ANKS1B: variants seen among roughly 807,000 people sequenced by gnomAD.
ANKS1B encodes ankyrin repeat and sterile alpha motif domain containing 1B, also known as ankyrin repeat and sterile alpha motif domain-containing protein 1B.
Under a neutral mutation model 148.3 loss-of-function variants are expected in ANKS1B, and 36 were observed. The observed-to-expected ratio is 0.24, with a 90% CI of 0.19 to 0.32. The LOEUF is 0.32. ANKS1B is among the 10% of genes least tolerant of loss of function. ANKS1B has a pLI of 1.00. For missense variants in ANKS1B, 1,157 were observed against 1,542.6 expected, an observed-to-expected ratio of 0.75 and a Z score of 4.19; for synonymous variants, 542 against 560.8, an observed-to-expected ratio of 0.97 and a Z score of 0.47.
intron 12 of ANKS1B, among the ~76,000 whole-genome samples, chr12:99,377,354 T>C (rs965531506): frequency 1.3e-5 from 2 of 152,168 alleles, no homozygotes; most frequent in African/African-American, 4.8e-5. Context: ...ATATCATTCT[T>C]GAACAAAATG....
At chr12:99,292,938 C>CAAA (rs1602498227) in intron 12 of ANKS1B, among the ~76,000 whole-genome samples, 6 of 150,450 alleles carry the variant, frequency 4.0e-5, no homozygotes, top group Admixed American at 1.3e-4. Flanking sequence ...TGGAAGACAG[C>CAAA]GTGGCGATTC....
chr12:98,976,462 CT>C (rs1326179693), intron 17 of ANKS1B: 1 of 152,112 alleles, frequency 6.6e-6, no homozygotes, highest in Non-Finnish European at 1.5e-5. Context: ...TAATAAGGTG[CT>C]TGTCTACACA....
intron 8 of ANKS1B, among the ~76,000 whole-genome samples, chr12:99,657,671 T>C (rs1246667907): frequency 1.0e-5 from 1 of 97,124 alleles, no homozygotes; most frequent in Non-Finnish European, 2.1e-5. Flanking sequence ...GATAAAGTTG[T>C]TCACAGGAAT....
At chr12:99,313,175 G>T (rs1656265161) in intron 12 of ANKS1B, among the ~76,000 whole-genome samples, 1 of 152,148 alleles carries the variant, frequency 6.6e-6, no homozygotes, top group Non-Finnish European at 1.5e-5. Flanking sequence ...AAATCTAGAA[G>T]AAATGAATAG....
chr12:99,692,576 CAGG>C (rs1250845716), intron 8 of ANKS1B, among the ~76,000 whole-genome samples: 2 of 149,288 alleles, frequency 1.3e-5, no homozygotes, highest in African/African-American at 5.0e-5. Context: ...GAGGCTGAAG[CAGG>C]AGAATTGCTT....
intron 15 of ANKS1B, among the ~76,000 whole-genome samples, chr12:99,111,504 C>T (rs1214998196): frequency 1.3e-5 from 2 of 151,720 alleles, no homozygotes; most frequent in Non-Finnish European, 2.9e-5. Context: ...AGAGAGAAGA[C>T]TATTATATAA....
At chr12:99,324,610 A>C (rs2085952627) in intron 12 of ANKS1B, among the ~76,000 whole-genome samples, 1 of 152,168 alleles carries the variant, frequency 6.6e-6, no homozygotes, top group African/African-American at 2.4e-5. Context: ...ACAATTACAT[A>C]AAATTGTTCA....
intron 1 of ANKS1B, among the ~76,000 whole-genome samples, chr12:99,930,834 C>A (rs1390694896): frequency 3.9e-5 from 6 of 152,116 alleles, no homozygotes; most frequent in Non-Finnish European, 8.8e-5. Flanking sequence ...CCAGCCATCC[C>A]ATTACTGGGT....
chr12:99,513,747 A>C (rs557100460), intron 9 of ANKS1B, among the ~76,000 whole-genome samples: 1 of 152,146 alleles, frequency 6.6e-6, no homozygotes, highest in East Asian at 1.9e-4. Context: ...CAGCTACCGC[A>C]TGCTAGTCCA....
downstream of ANKS1B, among the ~76,000 whole-genome samples, chr12:98,739,000 C>T (rs751903834): frequency 1.3e-5 from 2 of 152,168 alleles, no homozygotes; most frequent in Non-Finnish European, 2.9e-5. Context: ...AGCCCACAGG[C>T]TGGGCATTTT....
In ANKS1B at chr12:99,720,524, G is replaced by C. The variant is rs137929466; in HGVS notation, c.1128+52398C>G. The stretch of plus-strand genomic sequence containing the variant: ...ACCTTTATTTCCCTTACAGTCCTCA[G>C]TCTTCAGGAAAGGTAGAACGGACTA... On this transcript the variant is annotated intron_variant, in intron 8 of 26. Coordinates refer to ENST00000683438, the MANE Select transcript of ANKS1B (RefSeq NM_001352186.2). Among the ~76,000 whole-genome samples, 6 of 152,272 alleles carry C rather than the reference G, an allele frequency of 3.9e-5. No individual in the cohort carries two copies. In the East Asian group the frequency reaches 1.2e-3, roughly 29 times the overall value.
At chr12:99,792,012 A>G (rs1348833871) in intron 4 of ANKS1B, among the ~76,000 whole-genome samples, 4 of 151,908 alleles carry the variant, frequency 2.6e-5, no homozygotes, top group African/African-American at 9.7e-5. Context: ...TAGCCAGACT[A>G]ACACAAGAGA....
chr12:99,174,027 T>C (rs1452823469), intron 14 of ANKS1B, among the ~76,000 whole-genome samples: 1 of 152,224 alleles, frequency 6.6e-6, no homozygotes, highest in African/African-American at 2.4e-5. Context: ...AAGATGTCAC[T>C]TCCATTATTA....
chr12:98,861,596 A>C (rs1438541262), intron 17 of ANKS1B, among the ~76,000 whole-genome samples: 1 of 152,202 alleles, frequency 6.6e-6, no homozygotes, highest in African/African-American at 2.4e-5. Context: ...CCAGCTGTTG[A>C]TTTCATCAGC....
chr12:99,842,802 T>G (rs2085963063), intron 1 of ANKS1B, among the ~76,000 whole-genome samples: 1 of 152,180 alleles, frequency 6.6e-6, no homozygotes. Flanking sequence ...TTAACAAGCA[T>G]CATTGAATAA....
chr12:99,695,921 G>A (rs74637980), intron 8 of ANKS1B, among the ~76,000 whole-genome samples: 2,315 of 152,144 alleles, frequency 0.015, 58 homozygotes, highest in African/African-American at 0.053. Flanking sequence ...GGTAACAATA[G>A]ACACTGGGGA....
chr12:99,582,173 C>T (rs1190352150), intron 9 of ANKS1B, among the ~76,000 whole-genome samples: 1 of 151,568 alleles, frequency 6.6e-6, no homozygotes, highest in Non-Finnish European at 1.5e-5. Context: ...TTTAGAATGG[C>T]CAATAATAAG....
At chr12:99,067,491 T>C (rs2044747947) in intron 16 of ANKS1B, among the ~76,000 whole-genome samples, 1 of 152,184 alleles carries the variant, frequency 6.6e-6, no homozygotes. Context: ...TGGTAGGTCC[T>C]GGTGGCACTG....
At chr12:99,958,748 G>A (rs2095360906) in intron 1 of ANKS1B, among the ~76,000 whole-genome samples, 1 of 152,142 alleles carries the variant, frequency 6.6e-6, no homozygotes, top group Non-Finnish European at 1.5e-5. Flanking sequence ...GAATCAGGTT[G>A]GAAGGACTGT....
Sources: allele counts gnomAD v4.1 joint callset (sites outside exome capture counted in the v4.1 genomes callset), GRCh38; gene constraint gnomAD v4.1.1; transcripts MANE v1.5; gene names NCBI Gene and HGNC (gene_info 2026-07-23, HGNC 2026-07-21).